UBASH3B: variants seen among roughly 807,000 people sequenced by gnomAD.
The protein encoded by UBASH3B is ubiquitin-associated and SH3 domain-containing protein B.
In UBASH3B, 37 loss-of-function variants were observed where a neutral mutation model predicts 83.4. The ratio of observed to expected loss-of-function variants is 0.44; its 90% CI spans 0.34 to 0.58. The LOEUF (loss-of-function observed/expected upper bound fraction) is 0.58. UBASH3B is among the 20% of genes least tolerant of loss of function. The pLI, the probability that UBASH3B is intolerant of heterozygous loss-of-function variation, is 0.01. For missense variants in UBASH3B, 657 were observed against 827.2 expected, an observed-to-expected ratio of 0.79 and a Z score of 2.52; for synonymous variants, 304 against 318.3, an observed-to-expected ratio of 0.96 and a Z score of 0.48.
intron 1 of UBASH3B, among the ~76,000 whole-genome samples, chr11:122,714,546 G>T (rs1488378708): frequency 6.6e-6 from 1 of 152,228 alleles, no homozygotes; most frequent in African/African-American, 2.4e-5. Flanking sequence ...GTAAAATGGA[G>T]AGAGTGAAGG....
At chr11:122,687,587 A>G (rs778988319) in intron 1 of UBASH3B, among the ~76,000 whole-genome samples, 15 of 152,188 alleles carry the variant, frequency 9.9e-5, no homozygotes, top group Non-Finnish European at 1.9e-4. Context: ...GTCCTCTGCT[A>G]TGCTTCTACT....
At chr11:122,659,721 G>A (rs1040143875) in intron 1 of UBASH3B, among the ~76,000 whole-genome samples, 4 of 152,234 alleles carry the variant, frequency 2.6e-5, no homozygotes, top group Admixed American at 2.6e-4. Flanking sequence ...TGGATGTGAT[G>A]CTTTAAGAAG....
intron 1 of UBASH3B, among the ~76,000 whole-genome samples, chr11:122,688,981 G>T (rs1482422208): frequency 5.2e-4 from 4 of 7,674 alleles, no homozygotes; most frequent in South Asian, 4.5e-3. Context: ...GGGGAGGCGG[G>T]GGGGGGGGGG....
intron 1 of UBASH3B, among the ~76,000 whole-genome samples, chr11:122,690,177 T>TCCA (rs1325780842): frequency 0.066 from 2,227 of 33,510 alleles, 156 homozygotes; most frequent in Admixed American, 0.12. Context: ...CATATATATA[T>TCCA]ATATATATAT....
At chr11:122,717,673 T>C (rs1179245407) in intron 1 of UBASH3B, among the ~76,000 whole-genome samples, 24 of 152,198 alleles carry the variant, frequency 1.6e-4, no homozygotes, top group Admixed American at 1.5e-3. Context: ...CCTCGTGATA[T>C]CACCACAGGT....
chr11:122,783,929 G>A (rs1860901151), intron 5 of UBASH3B, among the ~76,000 whole-genome samples: 1 of 150,490 alleles, frequency 6.6e-6, no homozygotes, highest in Admixed American at 6.6e-5. Context: ...CATCTTGGAA[G>A]CATAATATTG....
intron 1 of UBASH3B, among the ~76,000 whole-genome samples, chr11:122,725,859 A>AT (rs1305590618): frequency 6.6e-6 from 1 of 151,352 alleles, no homozygotes; most frequent in Non-Finnish European, 1.5e-5. Context: ...ACGCCGGCCA[A>AT]TTTTTTCTAT....
chr11:122,809,294 C>A (rs879273732), intron 13 of UBASH3B, among the ~76,000 whole-genome samples: 2 of 152,154 alleles, frequency 1.3e-5, no homozygotes, highest in Non-Finnish European at 2.9e-5. Flanking sequence ...AGGCTGGTCT[C>A]GAACTCTTGA....
chr11:122,735,972 T>C (rs1035110041), intron 1 of UBASH3B, among the ~76,000 whole-genome samples: 1 of 152,144 alleles, frequency 6.6e-6, no homozygotes, highest in Non-Finnish European at 1.5e-5. Flanking sequence ...ACATCTGAGC[T>C]CTAGAATAAC....
At chr11:122,766,772 C>T (rs1166807431) in intron 1 of UBASH3B, among the ~76,000 whole-genome samples, 2 of 152,132 alleles carry the variant, frequency 1.3e-5, no homozygotes, top group African/African-American at 2.4e-5. Flanking sequence ...TAAATAAATA[C>T]GTAAATAAAA....
In UBASH3B at chr11:122,783,168, G is replaced by A. The variant is rs780771827; in HGVS notation, c.717G>A (p.Gly239=). 7 of 1,614,010 alleles carry A rather than the reference G, an allele frequency of 4.3e-6. No individual in the cohort carries two copies. The African/African-American group carries it at 5.3e-5, about 12-fold the overall frequency. The stretch of plus-strand genomic sequence containing the variant: ...CCCAGAACATTGACGTCAAGCTAGG[G>A]TGTGACTGGGTGGCTACCATATTTT... ...KLAQNIDVKL[G]CDWVATIFSR... The change falls in exon 5 of 14, where the codon GGG becomes GGA. Residue 239 remains glycine (G), a synonymous_variant. Transcript: ENST00000284273.
At chr11:122,686,819 C>A (rs1863813892) in intron 1 of UBASH3B, among the ~76,000 whole-genome samples, 1 of 152,092 alleles carries the variant, frequency 6.6e-6, no homozygotes, top group Non-Finnish European at 1.5e-5. Context: ...TCAGACAAAT[C>A]AACCCATCTC....
intron 1 of UBASH3B, among the ~76,000 whole-genome samples, chr11:122,710,856 G>T (rs556687110): frequency 7.2e-5 from 11 of 152,002 alleles, no homozygotes; most frequent in African/African-American, 2.7e-4. Context: ...TGTCCTGGGG[G>T]CAGGGTGGTG....
At chr11:122,665,672 G>C (rs1431809913) in intron 1 of UBASH3B, among the ~76,000 whole-genome samples, 1 of 152,196 alleles carries the variant, frequency 6.6e-6, no homozygotes, top group Non-Finnish European at 1.5e-5. Flanking sequence ...ATTTTAGAGA[G>C]TAAATAAACG....
intron 1 of UBASH3B, among the ~76,000 whole-genome samples, chr11:122,726,731 G>A (rs986265216): frequency 9.2e-5 from 14 of 152,158 alleles, no homozygotes; most frequent in African/African-American, 3.4e-4. Context: ...CAAGGTCTTT[G>A]AAAAATCAAA....
intron 1 of UBASH3B, among the ~76,000 whole-genome samples, chr11:122,708,661 C>G (rs1435368805): frequency 2.0e-5 from 3 of 150,694 alleles, no homozygotes; most frequent in Admixed American, 2.0e-4. Context: ...GCCAAATAGA[C>G]AGCACCATTC....
chr11:122,805,250 C>CTGGG (rs1339543895), intron 11 of UBASH3B, among the ~76,000 whole-genome samples: 3 of 152,340 alleles, frequency 2.0e-5, no homozygotes, highest in Admixed American at 2.0e-4. Flanking sequence ...GTCAGATTGG[C>CTGGG]TGGGTGCAGT....
At chr11:122,659,044 C>T (rs1863399516) in intron 1 of UBASH3B, among the ~76,000 whole-genome samples, 1 of 152,166 alleles carries the variant, frequency 6.6e-6, no homozygotes, top group Admixed American at 6.5e-5. Context: ...AATCCAATCA[C>T]TGCGTTTGTG....
intron 5 of UBASH3B, among the ~76,000 whole-genome samples, chr11:122,785,927 C>T (rs1306657816): frequency 1.3e-5 from 2 of 152,238 alleles, no homozygotes; most frequent in Admixed American, 1.3e-4. Flanking sequence ...CAGTTCGGCT[C>T]TTGTATTCAC....
Sources: allele counts gnomAD v4.1 joint callset (sites outside exome capture counted in the v4.1 genomes callset), GRCh38; gene constraint gnomAD v4.1.1; transcripts MANE v1.5; gene names NCBI Gene and HGNC (gene_info 2026-07-23, HGNC 2026-07-21).